Variants in NDRG4 observed in about 807,000 individuals in gnomAD.
NDRG4 encodes the protein protein NDRG4.
In NDRG4, 38 loss-of-function variants were observed where a neutral mutation model predicts 55.8. The ratio of observed to expected loss-of-function variants is 0.68; its 90% CI spans 0.53 to 0.89. NDRG4 has a LOEUF of 0.89. Among genes scored for constraint, NDRG4 ranks in the 40% least tolerant of loss-of-function variants. NDRG4 has a pLI of 0.00. For synonymous variants in NDRG4, 190 were observed against 182.7 expected (o/e 1.04, Z -0.32); for missense variants, 455 against 468.6 (o/e 0.97, Z 0.27).
At chr16:58,488,908 C>G (rs1390462031) in intron 2 of NDRG4, among the ~76,000 whole-genome samples, 1 of 152,184 alleles carries the variant, frequency 6.6e-6, no homozygotes, top group Non-Finnish European at 1.5e-5. Flanking sequence ...AGTTTACTTG[C>G]TCCCTGGTCT....
intron 13 of NDRG4, 64 bp from the exon 14 acceptor site, chr16:58,510,581 C>G (rs1195863517): frequency 7.2e-7 from 1 of 1,391,056 alleles, no homozygotes; most frequent in African/African-American, 1.4e-5. Flanking sequence ...CAGCGGACCA[C>G]GCTCTTCACT....
rs1202851771 is a variant in NDRG4, at chr16:58,513,164, TTATATG to T, written c.*1590_*1595del. 2 of 58,878 alleles carry T rather than the reference TTATATG, an allele frequency of 3.4e-5. No homozygotes were observed. Among genetic ancestry groups the T allele is most frequent in the Non-Finnish European group, 6.1e-5 (2 of 32,816 alleles). 3.6% of individuals were successfully genotyped at this position (58,878 alleles called of 1,614,324 possible). On this transcript the variant is annotated 3_prime_UTR_variant, in exon 15 of 15. Coordinates refer to ENST00000570248, the MANE Select transcript of NDRG4 (RefSeq NM_001242835.2). The stretch of plus-strand genomic sequence containing the variant: ...AGATGTATCTATAAATATCTATACA[TTATATG>T]TGTGTGTGTGTGTGTGTGTGTGTGT...
chr16:58,500,269 GGTGA>G lies in NDRG4; in HGVS notation c.21+6_21+9del. 6.5e-7 allele frequency: 1 copy of G among 1,536,014 alleles called. No individual in the cohort carries two copies. Among genetic ancestry groups the G allele is most frequent in the East Asian group, 2.4e-5 (1 of 40,912 alleles). On this transcript the variant is annotated splice_donor_variant and splice_donor_region_variant and intron_variant, in intron 1 of 14. Coordinates refer to ENST00000570248, the MANE Select transcript of NDRG4 (RefSeq NM_001242835.2). LOFTEE classifies it high-confidence loss of function. The stretch of plus-strand genomic sequence containing the variant: ...GCAAGATGCCGGAGTGCTGGGATGG[GGTGA>G]GTGAGGGCGCTGCGGGCATCAAGGT...
chr16:58,490,966 G>A (rs2035713205), intron 2 of NDRG4, among the ~76,000 whole-genome samples: 1 of 150,644 alleles, frequency 6.6e-6, no homozygotes, highest in Admixed American at 6.6e-5. Context: ...GACAGAGCGA[G>A]GCTCTGTCTC....
chr16:58,500,026 A>G (rs752552516), upstream of NDRG4: 102 of 1,299,688 alleles, frequency 7.8e-5, no homozygotes, highest in Non-Finnish European at 1.0e-4. Context: ...CCAGCAGCCA[A>G]TATGGGAGCT....
rs2031293041 is a variant in NDRG4 at position 58,465,027 on chromosome 16, G to C, written c.-24+1230G>C. ...TTGCCCTGCTGGAAACTCACATCCA[G>C]GGGGCAGTGGCTGGAGAGCAAGAGC... On this transcript the variant is annotated intron_variant, in intron 1 of 15. Coordinates refer to the NDRG4 transcript ENST00000258187. The C allele has an allele frequency of 1.4e-5, 17 of 1,251,042 alleles. 1 individual carries two copies. In the South Asian group the frequency reaches 2.3e-4, roughly 17 times the overall value. 77.5% of individuals were successfully genotyped at this position (1,251,042 alleles called of 1,614,324 possible).
intron 5 of NDRG4, chr16:58,506,128 AAG>A (rs2037933866): frequency 4.0e-6 from 2 of 505,236 alleles, no homozygotes; most frequent in African/African-American, 2.7e-5. Context: ...ATTCTGTTGA[AAG>A]AGCGTGTGTG....
In NDRG4 at chr16:58,512,270, A is replaced by G. The variant is rs2038892870; in HGVS notation, c.*694A>G. The stretch of plus-strand genomic sequence containing the variant: ...TCTGCCACCTCCTGGCCCTGTCCCA[A>G]TTCTGAGCCAAGGCCTCCCCGAGGC... On this transcript the variant is annotated 3_prime_UTR_variant, in exon 15 of 15. Transcript: ENST00000570248. 2.8e-6 allele frequency: 1 copy of G among 358,886 alleles called. No homozygotes were observed. Among genetic ancestry groups the G allele is most frequent in the African/African-American group, 2.2e-5 (1 of 46,452 alleles). 22.2% of individuals were successfully genotyped at this position (358,886 alleles called of 1,614,324 possible). A position where few individuals can be genotyped will look rare whatever the true frequency, so the allele number is the denominator to read the frequency against.
Position 58,511,966 on chromosome 16 carries a change from G to A in NDRG4, c.*390G>A, listed in dbSNP as rs2038853845. The A allele has an allele frequency of 1.7e-5, 8 of 460,748 alleles. No individual in the cohort carries two copies. The highest frequency in any genetic ancestry group is 3.5e-5 in the Non-Finnish European group (8 of 231,096). The allele number at this position is 460,748 out of a possible 1,614,324, so 28.5% of individuals were successfully genotyped here. A position where few individuals can be genotyped will look rare whatever the true frequency, so the allele number is the denominator to read the frequency against. The stretch of plus-strand genomic sequence containing the variant: ...GGGTGCTGGGCCACAGGGGTGCGGG[G>A]CCAGCTCAGGCACTGGCGTGGGAGC... On this transcript the variant is annotated 3_prime_UTR_variant, in exon 15 of 15. Transcript: ENST00000570248.
At chr16:58,493,351 C>T (rs981786436) in intron 2 of NDRG4, among the ~76,000 whole-genome samples, 5 of 152,250 alleles carry the variant, frequency 3.3e-5, no homozygotes, top group Admixed American at 6.5e-5. Flanking sequence ...TCACTGCAAC[C>T]TCTGCCTCCC....
chr16:58,476,217 A>C (rs1327726212), intron 1 of NDRG4, among the ~76,000 whole-genome samples: 2 of 152,224 alleles, frequency 1.3e-5, no homozygotes, highest in Non-Finnish European at 2.9e-5. Flanking sequence ...CATCTAAAAT[A>C]TGGGGATTAT....
exon 2 of NDRG4, chr16:58,487,812 G>C: frequency 1.3e-6 from 2 of 1,543,902 alleles, no homozygotes; most frequent in Non-Finnish European, 1.7e-6. Context: ...ATTCCCTGAG[G>C]AGAAGCCGCT....
intron 10 of NDRG4, 113 bp downstream of exon 10, chr16:58,508,112 G>C (rs1030405132): frequency 1.1e-6 from 1 of 928,540 alleles, no homozygotes; most frequent in East Asian, 2.6e-5. Flanking sequence ...TCCAGGGCCA[G>C]CAGTGGACGG....
chr16:58,478,865 G>T (rs1407952500), intron 1 of NDRG4, among the ~76,000 whole-genome samples: 3 of 151,654 alleles, frequency 2.0e-5, no homozygotes, highest in Admixed American at 2.0e-4. Flanking sequence ...ATAAAATCTG[G>T]TGTATAGGAT....
chr16:58,509,528 T>G (rs1030177075), intron 13 of NDRG4, 176 bp downstream of exon 13: 4 of 660,338 alleles, frequency 6.1e-6, no homozygotes, highest in African/African-American at 5.5e-5. Flanking sequence ...AGATGCCACC[T>G]GAGTTGCAAG....
At chr16:58,498,980 T>C (rs1320984189), upstream of NDRG4, among the ~76,000 whole-genome samples, 1 of 152,140 alleles carries the variant, frequency 6.6e-6, no homozygotes, top group Non-Finnish European at 1.5e-5. Context: ...ATAATACATA[T>C]AATCTTCATG....
chr16:58,477,829 A>G (rs193301852), intron 1 of NDRG4, among the ~76,000 whole-genome samples: 53 of 152,294 alleles, frequency 3.5e-4, no homozygotes, highest in African/African-American at 1.2e-3. Flanking sequence ...CATAGTGTCA[A>G]AGTATCTTCC....
chr16:58,475,166 C>T (rs1034599479), intron 1 of NDRG4, among the ~76,000 whole-genome samples: 21 of 152,290 alleles, frequency 1.4e-4, no homozygotes, highest in African/African-American at 5.1e-4. Context: ...ATATGTGTAT[C>T]TGGGAAATTT....
intron 1 of NDRG4, chr16:58,472,384 G>C (rs572481518): frequency 1.4e-4 from 21 of 152,362 alleles, no homozygotes; most frequent in African/African-American, 4.6e-4. Flanking sequence ...GCCTGGGTTG[G>C]GAAAGGCCGA....
Sources: allele counts gnomAD v4.1 joint callset (sites outside exome capture counted in the v4.1 genomes callset), GRCh38; gene constraint gnomAD v4.1.1; transcripts MANE v1.5; gene names NCBI Gene and HGNC (gene_info 2026-07-23, HGNC 2026-07-21).